The following KCNJ3 variants were observed in gnomAD, a reference collection of about 807,000 sequenced individuals.
The protein encoded by KCNJ3 is G protein-activated inward rectifier potassium channel 1.
KCNJ3 carries 4 observed loss-of-function variants against 39.2 expected under a neutral mutation model. The observed-to-expected ratio is 0.10, with a 90% CI of 0.05 to 0.23. The LOEUF (loss-of-function observed/expected upper bound fraction) is 0.23, where lower values mean the gene tolerates loss of function less well. KCNJ3 is among the 10% of genes least tolerant of loss of function. The pLI is 1.00. For missense variants in KCNJ3, 276 were observed against 634.9 expected (o/e 0.43, Z 6.08); for synonymous variants, 230 against 237.4 (o/e 0.97, Z 0.29).
chr2:154,741,945 C>T (rs531950733), intron 2 of KCNJ3, among the ~76,000 whole-genome samples: 19 of 151,914 alleles, frequency 1.3e-4, no homozygotes, highest in African/African-American at 4.3e-4. Context: ...TAAACACATT[C>T]ATAATGTCGT....
Position 154,698,956 on chromosome 2 carries a change from G to C in KCNJ3, c.181G>C (p.Gly61Arg). 6.2e-7 allele frequency: 1 copy of C among 1,614,152 alleles called. No individual in the cohort carries two copies. The highest frequency in any genetic ancestry group is 8.5e-7 in the Non-Finnish European group (1 of 1,180,038). Reference protein sequence around the residue: ...GRCNVQHGNLGSETSRYLSDL... With the variant: ...GRCNVQHGNLRSETSRYLSDL... ...GTGCAATGTACAGCACGGCAACCTG[G>C]GCAGCGAGACAAGCCGCTACCTCTC... The change falls in exon 1 of 3, where the codon GGC (glycine) becomes CGC (arginine). Residue 61 changes from glycine to arginine, a missense_variant. Physicochemically the swap from Gly to Arg is moderately radical, Grantham distance 125 (BLOSUM62 -2). This residue lies in a region of KCNJ3 where 46 missense variants were observed against 206.6 expected (regional missense o/e 0.22). Transcript: ENST00000295101.
At chr2:154,851,540 G>A (rs941279224) in intron 2 of KCNJ3, among the ~76,000 whole-genome samples, 2 of 152,168 alleles carry the variant, frequency 1.3e-5, no homozygotes, top group African/African-American at 4.8e-5. Flanking sequence ...GAGAAAACAG[G>A]GTGAGAGAGC....
chr2:154,841,401 G>A (rs1687573778), intron 2 of KCNJ3, among the ~76,000 whole-genome samples: 1 of 151,960 alleles, frequency 6.6e-6, no homozygotes, highest in African/African-American at 2.4e-5. Flanking sequence ...CTCTTTTTTT[G>A]TTGTGTCTCT....
At chr2:154,833,585 T>C (rs1389336366) in intron 2 of KCNJ3, among the ~76,000 whole-genome samples, 1 of 152,224 alleles carries the variant, frequency 6.6e-6, no homozygotes, top group Non-Finnish European at 1.5e-5. Context: ...GGTTCATGCT[T>C]TGTGTTATAT....
chr2:154,712,905 A>T (rs1251921959), intron 2 of KCNJ3, among the ~76,000 whole-genome samples: 1 of 152,148 alleles, frequency 6.6e-6, no homozygotes, highest in Non-Finnish European at 1.5e-5. Context: ...CTGACTATCC[A>T]GAAGGCCCTT....
intron 2 of KCNJ3, among the ~76,000 whole-genome samples, chr2:154,727,431 A>C (rs959721428): frequency 1.3e-5 from 2 of 151,536 alleles, no homozygotes; most frequent in African/African-American, 4.8e-5. Context: ...ACTAAAAAAA[A>C]AAAATACAAA....
chr2:154,804,853 A>C (rs780273064), intron 2 of KCNJ3, among the ~76,000 whole-genome samples: 1 of 152,188 alleles, frequency 6.6e-6, no homozygotes, highest in Non-Finnish European at 1.5e-5. Flanking sequence ...ATTAAACAAA[A>C]ATAGTCTACA....
At chr2:154,813,807 C>G (rs1041071109) in intron 2 of KCNJ3, among the ~76,000 whole-genome samples, 5 of 152,144 alleles carry the variant, frequency 3.3e-5, no homozygotes, top group Non-Finnish European at 7.3e-5. Flanking sequence ...TGAGAGAGAG[C>G]TTTAGTTATA....
rs546137182 is a variant in KCNJ3, at chr2:154,784,766, A to G, written c.920-69961A>G. Among the ~76,000 whole-genome samples, 7 of 152,308 alleles carry G rather than the reference A, an allele frequency of 4.6e-5. No homozygotes were observed. In the Middle Eastern group the frequency reaches 0.01, roughly 222 times the overall value. ...TAAAGAACACAAGCAAAGTTGTGCT[A>G]TCTACATCGTGTTTGTAAGCTAGCT... On this transcript the variant is annotated intron_variant, in intron 2 of 2. Coordinates refer to ENST00000295101, the MANE Select transcript of KCNJ3 (RefSeq NM_002239.4).
chr2:154,740,487 GC>G (rs1318374555), intron 2 of KCNJ3, among the ~76,000 whole-genome samples: 2 of 151,874 alleles, frequency 1.3e-5, no homozygotes, highest in East Asian at 1.9e-4. Flanking sequence ...GGTGACTGTT[GC>G]CTTTTTAGAG....
intron 2 of KCNJ3, among the ~76,000 whole-genome samples, chr2:154,825,581 TTTA>T (rs992663794): frequency 6.6e-6 from 1 of 150,464 alleles, no homozygotes; most frequent in African/African-American, 2.4e-5. Context: ...TATTTATTTA[TTTA>T]TTATTTTTTG....
In KCNJ3 at chr2:154,699,433, A is replaced by G. The variant is rs767273300; in HGVS notation, c.658A>G (p.Asn220Asp). Residue 220 changes from asparagine (N) to aspartate (D), a missense_variant, in exon 1 of 3, where the codon AAC becomes GAC. Asn to Asp is a conservative substitution (Grantham distance 23). Around this residue, in one of 4 missense-constraint regions of KCNJ3, gnomAD observed 77 missense variants for 200.0 expected, o/e 0.38. Coordinates refer to ENST00000295101, the MANE Select transcript of KCNJ3 (RefSeq NM_002239.4). The surrounding 1 kb of genome is among the most constrained non-coding windows in gnomAD (Gnocchi z 6.4). Reference sequence around the variant, plus strand: ...TATGTTCCGGGTGGGCAACCTGCGCAACAGCCACATGGTCTCCGCGCAGAT... The same window carrying G: ...TATGTTCCGGGTGGGCAACCTGCGCGACAGCCACATGGTCTCCGCGCAGAT... Reference protein sequence around the residue: ...TLMFRVGNLRNSHMVSAQIRC... With the variant: ...TLMFRVGNLRDSHMVSAQIRC... The G allele has an allele frequency of 6.2e-7, 1 of 1,602,046 alleles. No homozygotes were observed. The highest frequency in any genetic ancestry group is 8.5e-7 in the Non-Finnish European group (1 of 1,179,872).
chr2:154,814,311 A>G (rs1164100544), intron 2 of KCNJ3, among the ~76,000 whole-genome samples: 2 of 152,136 alleles, frequency 1.3e-5, no homozygotes, highest in Non-Finnish European at 2.9e-5. Context: ...GTATACAAAT[A>G]TTATAATCCT....
chr2:154,726,635 A>G (rs1006256517), intron 2 of KCNJ3, among the ~76,000 whole-genome samples: 4 of 152,122 alleles, frequency 2.6e-5, no homozygotes, highest in Non-Finnish European at 5.9e-5. Flanking sequence ...AAACGAAGTC[A>G]TTATAAGAAA....
chr2:154,826,157 TC>T (rs1215915262), intron 2 of KCNJ3, among the ~76,000 whole-genome samples: 1 of 152,138 alleles, frequency 6.6e-6, no homozygotes, highest in Non-Finnish European at 1.5e-5. Flanking sequence ...ACCTATGGCA[TC>T]CTTTGTCGTT....
chr2:154,828,342 G>A (rs1431802859), intron 2 of KCNJ3, among the ~76,000 whole-genome samples: 2 of 152,150 alleles, frequency 1.3e-5, no homozygotes, highest in Non-Finnish European at 2.9e-5. Context: ...CCCAGTGATT[G>A]CAGTCCTGCC....
intron 2 of KCNJ3, among the ~76,000 whole-genome samples, chr2:154,740,525 C>T (rs982977659): frequency 2.0e-5 from 3 of 151,898 alleles, no homozygotes; most frequent in Non-Finnish European, 2.9e-5. Context: ...TGATGTCACG[C>T]CCTAGATGAG....
At chr2:154,731,431 C>A (rs185015044) in intron 2 of KCNJ3, among the ~76,000 whole-genome samples, 10 of 151,888 alleles carry the variant, frequency 6.6e-5, no homozygotes, top group Non-Finnish European at 2.9e-5. Flanking sequence ...TTCCTATGCC[C>A]ATTTTTCTGT....
chr2:154,764,579 A>C (rs553848565), intron 2 of KCNJ3, among the ~76,000 whole-genome samples: 1 of 152,278 alleles, frequency 6.6e-6, no homozygotes, highest in East Asian at 1.9e-4. Context: ...GAATATTGAG[A>C]ATTACTGCAA....
Sources: allele counts gnomAD v4.1 joint callset (sites outside exome capture counted in the v4.1 genomes callset), GRCh38; gene constraint gnomAD v4.1.1; regional missense constraint gnomAD v4.1.1; non-coding constraint Gnocchi (gnomAD v3.1); transcripts MANE v1.5; gene names NCBI Gene and HGNC (gene_info 2026-07-23, HGNC 2026-07-21).